The following SELENOT variants were observed in gnomAD, a reference collection of about 807,000 sequenced individuals.
SELENOT encodes selenoprotein T, also known as thioredoxin reductase-like selenoprotein T.
In SELENOT, 9 loss-of-function variants were observed where a neutral mutation model predicts 24.3. The observed-to-expected ratio is 0.37, with a 90% CI of 0.22 to 0.65. SELENOT has a LOEUF of 0.65. SELENOT is among the 30% of genes least tolerant of loss of function. The probability of loss-of-function intolerance (pLI) is 0.60; values close to 1 mark genes in which losing one functional copy is unlikely to be tolerated. For synonymous variants in SELENOT, 81 were observed against 86.0 expected (o/e 0.94, Z 0.32); for missense variants, 166 against 247.6 (o/e 0.67, Z 2.21).
intron 4 of SELENOT, among the ~76,000 whole-genome samples, chr3:150,625,631 T>A (rs1726423730): frequency 6.6e-6 from 1 of 152,138 alleles, no homozygotes; most frequent in Admixed American, 6.5e-5. Flanking sequence ...TTTTTACACT[T>A]TTTGGTTAAA....
intron 1 of SELENOT, among the ~76,000 whole-genome samples, chr3:150,616,564 A>G (rs1438544055): frequency 6.6e-6 from 1 of 152,170 alleles, no homozygotes; most frequent in Non-Finnish European, 1.5e-5. Context: ...ACTTCTCAAA[A>G]GAAGACATTT....
At chr3:150,612,989 T>C (rs553062588) in intron 1 of SELENOT, among the ~76,000 whole-genome samples, 1 of 152,300 alleles carries the variant, frequency 6.6e-6, no homozygotes, top group South Asian at 2.1e-4. Context: ...TAAGTTAGAG[T>C]TCTTGGCACT....
chr3:150,606,988 G>A (rs1439434404), intron 1 of SELENOT, among the ~76,000 whole-genome samples: 4 of 152,006 alleles, frequency 2.6e-5, no homozygotes, highest in South Asian at 4.2e-4. Context: ...TACTTTCTCC[G>A]TATATGCGAT....
chr3:150,619,305 G>A (rs972233820), intron 1 of SELENOT, among the ~76,000 whole-genome samples: 12 of 152,186 alleles, frequency 7.9e-5, no homozygotes, highest in African/African-American at 2.9e-4. Context: ...GCCGAGGCGG[G>A]TGGATCATGA....
chr3:150,607,569 C>T (rs1446257190), intron 1 of SELENOT, among the ~76,000 whole-genome samples: 1 of 152,136 alleles, frequency 6.6e-6, no homozygotes, highest in Non-Finnish European at 1.5e-5. Context: ...GGACTGACCA[C>T]ACAGATAAAA....
intron 3 of SELENOT, among the ~76,000 whole-genome samples, chr3:150,624,054 G>C (rs1726393071): frequency 6.7e-6 from 1 of 148,254 alleles, no homozygotes. Flanking sequence ...ATCTTCAAGT[G>C]GTATCTCTAA....
chr3:150,626,974 T>C, intron 4 of SELENOT, 36 bp from the exon 5 acceptor site: 1 of 1,600,596 alleles, frequency 6.2e-7, no homozygotes, highest in Non-Finnish European at 8.5e-7. Context: ...AAATCATCTT[T>C]AATTTTTTGG....
chr3:150,604,017 A>G (rs1725903238), intron 1 of SELENOT, among the ~76,000 whole-genome samples: 2 of 152,152 alleles, frequency 1.3e-5, no homozygotes, highest in South Asian at 4.1e-4. Flanking sequence ...TTTCTCCTGA[A>G]CTTGCTGGGG....
At chr3:150,611,752 G>C in intron 1 of SELENOT, 1 of 1,410,816 alleles carries the variant, frequency 7.1e-7, no homozygotes, top group Non-Finnish European at 9.8e-7. Flanking sequence ...CCGCCCCCAG[G>C]GGCCCAGCCG....
intron 1 of SELENOT, among the ~76,000 whole-genome samples, chr3:150,608,123 G>A (rs1726011169): frequency 6.6e-6 from 1 of 152,176 alleles, no homozygotes; most frequent in Admixed American, 6.5e-5. Flanking sequence ...GTTCTGTGGT[G>A]ATGCTATACC....
rs1235887228 is a variant in SELENOT at position 150,624,854 on chromosome 3, G to C, written c.418G>C (p.Glu140Gln). 3.2e-6 allele frequency: 5 copies of C among 1,564,390 alleles called. No homozygotes were observed. In the African/African-American group the frequency reaches 5.4e-5, roughly 17 times the overall value. ...MMVFFLSNMI[E>Q]NQCMSTGAFE... is the part of the protein sequence containing the mutation. ...GGTTTTCTTCTTGAGCAACATGATTGAGAACCAGTGTATGTCAACAGGTGC... is the reference window on the plus strand; with the variant it reads ...GGTTTTCTTCTTGAGCAACATGATTCAGAACCAGTGTATGTCAACAGGTGC... The change falls in exon 4 of 6, where the codon GAG becomes CAG. Residue 140 changes from glutamate to glutamine, a missense_variant. Transcript: ENST00000471696.
intron 1 of SELENOT, among the ~76,000 whole-genome samples, chr3:150,604,889 T>G (rs138238063): frequency 0.058 from 8,826 of 152,132 alleles, 331 homozygotes; most frequent in Non-Finnish European, 0.082. Flanking sequence ...ATACAAAAAT[T>G]AGCCTGGCGT....
intron 1 of SELENOT, 142 bp from the exon 2 acceptor site, chr3:150,622,243 G>T (rs913323211): frequency 4.9e-6 from 2 of 406,102 alleles, no homozygotes; most frequent in Non-Finnish European, 4.5e-6. Context: ...CAATGTATTT[G>T]TCATCCTGGT....
chr3:150,615,266 T>C (rs1576531952), intron 1 of SELENOT, among the ~76,000 whole-genome samples: 2 of 151,958 alleles, frequency 1.3e-5, no homozygotes, highest in South Asian at 4.2e-4. Context: ...AGTCTATCAT[T>C]GTTGGACATT....
In SELENOT at chr3:150,627,114, A is replaced by G. The variant is rs1217359458; in HGVS notation, c.568A>G (p.Ile190Val). The G allele has an allele frequency of 6.2e-7, 1 of 1,613,388 alleles. No homozygotes were observed. The highest frequency in any genetic ancestry group is 2.2e-5 in the East Asian group (1 of 44,868). ...EMKLNVHMDS[I>V]PHHRS is the part of the protein sequence containing the mutation. The stretch of plus-strand genomic sequence containing the variant: ...GAAGCTCAATGTGCATATGGATTCA[A>G]TCCCACACCATCGATCATAGCACCA... The change falls in exon 5 of 6, where the codon ATC (isoleucine) becomes GTC (valine). Residue 190 changes from isoleucine to valine, a missense_variant. This residue lies in a region of SELENOT where 44 missense variants were observed against 72.2 expected (regional missense o/e 0.61). Coordinates refer to ENST00000471696, the MANE Select transcript of SELENOT (RefSeq NM_016275.5).
At chr3:150,603,655 C>T in intron 1 of SELENOT, 156 bp downstream of exon 1, 1 of 890,676 alleles carries the variant, frequency 1.1e-6, no homozygotes, top group African/African-American at 1.7e-5. Flanking sequence ...CTCGCGGCCC[C>T]TTAGCGCGGT....
intron 1 of SELENOT, among the ~76,000 whole-genome samples, chr3:150,620,208 TAGGGTTTCCCTTA>T (rs975365139): frequency 6.6e-6 from 1 of 152,164 alleles, no homozygotes; most frequent in African/African-American, 2.4e-5. Context: ...TTGAGTCTCT[TAGGGTTTCCCTTA>T]AGGGACTTCT....
At chr3:150,625,026 A>C in intron 4 of SELENOT, 127 bp downstream of exon 4, 1 of 501,558 alleles carries the variant, frequency 2.0e-6, no homozygotes, top group South Asian at 5.6e-5. Flanking sequence ...ATTTGAAAGA[A>C]ATTGAAAATT....
chr3:150,605,489 T>C (rs1002976569), intron 1 of SELENOT, among the ~76,000 whole-genome samples: 7 of 152,154 alleles, frequency 4.6e-5, no homozygotes, highest in Non-Finnish European at 4.4e-5. Context: ...CTTTTGATAC[T>C]TTGTTTTTCT....
Sources: gnomAD v4.1 joint callset for allele counts (sites outside exome capture counted in the v4.1 genomes callset) on GRCh38, gnomAD v4.1.1 for gene constraint, gnomAD v4.1.1 regional missense constraint, MANE v1.5 for transcripts, NCBI Gene and HGNC (gene_info 2026-07-23, HGNC 2026-07-21) for gene names.